PTPRD: variants seen among roughly 807,000 people sequenced by gnomAD.
The protein encoded by PTPRD is protein tyrosine phosphatase receptor type D.
A neutral mutation model predicts 214.5 loss-of-function variants in PTPRD; 34 were observed. The ratio of observed to expected loss-of-function variants is 0.16; its 90% CI spans 0.12 to 0.21. The LOEUF (loss-of-function observed/expected upper bound fraction) is 0.21, where lower values mean the gene tolerates loss of function less well. Ranked by LOEUF, PTPRD falls within the 10% of genes least tolerant of loss-of-function variation. The probability of loss-of-function intolerance (pLI) is 1.00; values close to 1 mark genes in which losing one functional copy is unlikely to be tolerated. For missense variants in PTPRD, 2,545 were observed against 2,398.7 expected, an observed-to-expected ratio of 1.06 and a Z score of -1.27; for synonymous variants, 1,128 against 845.7, an observed-to-expected ratio of 1.33 and a Z score of -5.79.
chr9:8,976,925 C>G (rs931009155), intron 11 of PTPRD, among the ~76,000 whole-genome samples: 1 of 152,050 alleles, frequency 6.6e-6, no homozygotes, highest in East Asian at 1.9e-4. Context: ...GACTTTTCTT[C>G]AAAGCTTCAG....
At chr9:10,090,685 G>A (rs893524145) in intron 3 of PTPRD, among the ~76,000 whole-genome samples, 22 of 146,526 alleles carry the variant, frequency 1.5e-4, no homozygotes, top group African/African-American at 5.1e-4. Context: ...TTTTTTTAAT[G>A]TAGAAAGCAG....
intron 9 of PTPRD, among the ~76,000 whole-genome samples, chr9:9,230,221 C>G (rs117154542): frequency 5.9e-5 from 9 of 151,708 alleles, no homozygotes; most frequent in Non-Finnish European, 1.0e-4. Context: ...TGGGGCGGTT[C>G]GACAGAAAGA....
rs779577063 is a variant in PTPRD at position 8,389,437 on chromosome 9, G to C, written c.4211-30C>G. The C allele has an allele frequency of 7.0e-6, 11 of 1,574,466 alleles. No homozygotes were observed. The Admixed American group carries it at 1.9e-4, about 28-fold the overall frequency. The stretch of plus-strand genomic sequence containing the variant: ...AAAACAAGGAGTGTTATTCAACCAG[G>C]TGAGCACATCACAAGAGGAAACAGC... On this transcript the variant is annotated intron_variant, in intron 36 of 45. Coordinates refer to ENST00000381196, the MANE Select transcript of PTPRD (RefSeq NM_002839.4).
chr9:8,930,782 T>A (rs1326462767), intron 11 of PTPRD, among the ~76,000 whole-genome samples: 3 of 152,220 alleles, frequency 2.0e-5, no homozygotes, highest in African/African-American at 7.2e-5. Flanking sequence ...TCTGTTCATA[T>A]CCTTTGCCCA....
chr9:9,135,333 C>A (rs1397170161), intron 10 of PTPRD, among the ~76,000 whole-genome samples: 1 of 152,102 alleles, frequency 6.6e-6, no homozygotes, highest in African/African-American at 2.4e-5. Flanking sequence ...CCTATGTAAT[C>A]TTTTGGTTCA....
chr9:8,753,338 A>G (rs1375688791), intron 11 of PTPRD, among the ~76,000 whole-genome samples: 1 of 152,202 alleles, frequency 6.6e-6, no homozygotes, highest in Non-Finnish European at 1.5e-5. Context: ...CACCAAGTAC[A>G]CTGACAGGTA....
At chr9:8,391,775 C>T (rs770206243) in intron 36 of PTPRD, among the ~76,000 whole-genome samples, 18 of 152,104 alleles carry the variant, frequency 1.2e-4, no homozygotes, top group African/African-American at 3.9e-4. Flanking sequence ...TGTGCCACCT[C>T]CCCCCTTATC....
intron 10 of PTPRD, among the ~76,000 whole-genome samples, chr9:9,067,886 A>G (rs2099737426): frequency 6.6e-6 from 1 of 152,022 alleles, no homozygotes; most frequent in Admixed American, 6.6e-5. Flanking sequence ...TCACATGTAG[A>G]TTTGTGTATT....
chr9:8,831,497 AC>A (rs2097291078), intron 11 of PTPRD, among the ~76,000 whole-genome samples: 1 of 152,224 alleles, frequency 6.6e-6, no homozygotes, highest in African/African-American at 2.4e-5. Context: ...TATACAGTCT[AC>A]ATACAATTAA....
At chr9:9,304,648 G>A (rs1452681184) in intron 9 of PTPRD, among the ~76,000 whole-genome samples, 2 of 150,908 alleles carry the variant, frequency 1.3e-5, no homozygotes, top group East Asian at 3.9e-4. Context: ...TTTCTCTAGA[G>A]GATTCAGTTT....
intron 11 of PTPRD, among the ~76,000 whole-genome samples, chr9:8,839,980 G>T (rs1298528038): frequency 6.6e-6 from 1 of 152,174 alleles, no homozygotes; most frequent in African/African-American, 2.4e-5. Context: ...AGAACAGTGT[G>T]TTGTTTTCAG....
chr9:9,840,511 T>C (rs1360714040), intron 5 of PTPRD, among the ~76,000 whole-genome samples: 2 of 152,082 alleles, frequency 1.3e-5, no homozygotes, highest in African/African-American at 4.8e-5. Context: ...ATTCTTACAT[T>C]ATGTTTGGTC....
intron 7 of PTPRD, among the ~76,000 whole-genome samples, chr9:9,699,723 C>T (rs893039947): frequency 6.6e-6 from 1 of 152,132 alleles, no homozygotes; most frequent in Admixed American, 6.6e-5. Flanking sequence ...AGAAGAGGGA[C>T]CGTTAAAGTT....
chr9:8,528,631 G>T lies in PTPRD; in HGVS notation c.501C>A (p.Asp167Glu), dbSNP rs1353046327. The T allele has an allele frequency of 6.2e-7, 1 of 1,613,644 alleles. No individual in the cohort carries two copies. ...ITWFKDFLPVDTSNNNGRIKQ... is the reference protein window; with the variant it reads ...ITWFKDFLPVETSNNNGRIKQ... Reference sequence around the variant, plus strand: ...TAATACGACCATTGTTGTTGCTTGTGTCCACAGGTAAGAAATCTTTAAACC... The same window carrying T: ...TAATACGACCATTGTTGTTGCTTGTTTCCACAGGTAAGAAATCTTTAAACC... Residue 167 changes from aspartate to glutamate, a missense_variant, in exon 15 of 46, where the codon GAC becomes GAA. By Grantham distance (45) the Asp-to-Glu change is conservative. Coordinates refer to ENST00000381196, the MANE Select transcript of PTPRD (RefSeq NM_002839.4).
chr9:9,479,081 T>A (rs1395671674), intron 8 of PTPRD, among the ~76,000 whole-genome samples: 1 of 152,086 alleles, frequency 6.6e-6, no homozygotes, highest in African/African-American at 2.4e-5. Context: ...TTTTTTTCTT[T>A]CATAATGTGT....
chr9:8,626,550 T>C (rs563081717), intron 14 of PTPRD, among the ~76,000 whole-genome samples: 6 of 151,894 alleles, frequency 4.0e-5, no homozygotes, highest in Non-Finnish European at 5.9e-5. Flanking sequence ...TGAGCATTAC[T>C]GTCAGGGTGT....
intron 11 of PTPRD, among the ~76,000 whole-genome samples, chr9:8,822,213 T>C (rs2097083320): frequency 6.6e-6 from 1 of 152,212 alleles, no homozygotes; most frequent in African/African-American, 2.4e-5. Flanking sequence ...ACTGAAAGTT[T>C]CCCCCAGTGA....
At chr9:10,199,346 C>T (rs778593200) in intron 3 of PTPRD, among the ~76,000 whole-genome samples, 2 of 152,040 alleles carry the variant, frequency 1.3e-5, no homozygotes, top group Admixed American at 6.6e-5. Flanking sequence ...AAATGACCTA[C>T]GTATAATGAT....
At chr9:8,794,971 C>T (rs1479158322) in intron 11 of PTPRD, among the ~76,000 whole-genome samples, 1 of 151,174 alleles carries the variant, frequency 6.6e-6, no homozygotes, top group Non-Finnish European at 1.5e-5. Context: ...TTATTTGGAA[C>T]CCAATTTTAA....
Sources: gnomAD v4.1 joint callset for allele counts (sites outside exome capture counted in the v4.1 genomes callset) on GRCh38, gnomAD v4.1.1 for gene constraint, MANE v1.5 for transcripts, NCBI Gene and HGNC (gene_info 2026-07-23, HGNC 2026-07-21) for gene names.